ALDH5A1: variants seen among roughly 807,000 people sequenced by gnomAD.
ALDH5A1 encodes aldehyde dehydrogenase 5 family member A1.
A neutral mutation model predicts 54.7 loss-of-function variants in ALDH5A1; 33 were observed. That is an observed-to-expected ratio of 0.60 (90% CI 0.46 to 0.81). The LOEUF (loss-of-function observed/expected upper bound fraction) is 0.81, where lower values mean the gene tolerates loss of function less well. Among genes scored for constraint, ALDH5A1 ranks in the 30% least tolerant of loss-of-function variants. The pLI is 0.00. For synonymous variants in ALDH5A1, 294 were observed against 292.7 expected (o/e 1.00, Z -0.05); for missense variants, 657 against 711.0 (o/e 0.92, Z 0.86).
intron 4 of ALDH5A1, among the ~76,000 whole-genome samples, chr6:24,510,436 T>C (rs1759439205): frequency 6.6e-6 from 1 of 152,200 alleles, no homozygotes; most frequent in South Asian, 2.1e-4. Flanking sequence ...TTGCTGTCTA[T>C]CTCATTTCTT....
At chr6:24,496,321 T>TA (rs1229536482) in intron 1 of ALDH5A1, among the ~76,000 whole-genome samples, 8 of 152,160 alleles carry the variant, frequency 5.3e-5, no homozygotes, top group Admixed American at 5.2e-4. Flanking sequence ...ACAAACATAA[T>TA]ATCTAAGCAA....
At chr6:24,515,389 C>T (rs1561874030) in intron 5 of ALDH5A1, 79 bp downstream of exon 5, 1 of 1,514,676 alleles carries the variant, frequency 6.6e-7, no homozygotes, top group Non-Finnish European at 9.1e-7. Context: ...ACTATTTCAT[C>T]CTGATCACCA....
intron 6 of ALDH5A1, among the ~76,000 whole-genome samples, chr6:24,522,236 G>A (rs1184793754): frequency 6.6e-6 from 1 of 152,158 alleles, no homozygotes; most frequent in Non-Finnish European, 1.5e-5. Context: ...CTTGAGCCCT[G>A]GAGGTCAAGG....
intron 6 of ALDH5A1, among the ~76,000 whole-genome samples, chr6:24,520,965 C>T (rs1046919647): frequency 2.0e-5 from 3 of 152,110 alleles, no homozygotes; most frequent in Admixed American, 1.3e-4. Context: ...TTCTACTGAA[C>T]GGATATAATC....
At position 24,504,852 on chromosome 6, in the gene ALDH5A1, T is replaced by C. The variant is rs778275814; in HGVS notation, c.610-17T>C. ...GGTCCTTCCTCTCACATACTTCCTC[T>C]GCTCTTCTAACCCCAGTGGAATTTC... On this transcript the variant is annotated splice_polypyrimidine_tract_variant and intron_variant, in intron 3 of 9. Transcript: ENST00000357578. 1 of 1,610,448 alleles carries C rather than the reference T, an allele frequency of 6.2e-7. No individual in the cohort carries two copies. Among genetic ancestry groups the C allele is most frequent in the South Asian group, 1.1e-5 (1 of 91,002 alleles).
At chr6:24,506,743 TTTTA>T (rs1292190318) in intron 4 of ALDH5A1, among the ~76,000 whole-genome samples, 2 of 152,250 alleles carry the variant, frequency 1.3e-5, no homozygotes, top group Non-Finnish European at 2.9e-5. Flanking sequence ...AGTAATAAAC[TTTTA>T]TTTTAGAATA....
In ALDH5A1 at chr6:24,496,126, G is replaced by T. The variant is rs959280452; in HGVS notation, c.354+776G>T. ...CTCCCTCTGAAGGAATGCATCCAGC[G>T]ATCCCTACGAGTACAAGAGAGTCTT... On this transcript the variant is annotated intron_variant, in intron 1 of 9. Coordinates refer to ENST00000357578, the MANE Select transcript of ALDH5A1 (RefSeq NM_001080.3). Among the ~76,000 whole-genome samples the T allele has an allele frequency of 2.0e-5, 3 of 152,124 alleles. No individual in the cohort carries two copies. In the South Asian group the frequency reaches 6.2e-4, roughly 32 times the overall value.
intron 1 of ALDH5A1, among the ~76,000 whole-genome samples, chr6:24,495,568 T>A (rs981198733): frequency 2.0e-5 from 3 of 152,150 alleles, no homozygotes; most frequent in Admixed American, 6.5e-5. Flanking sequence ...ACCCCTGCCC[T>A]CAAGCCTCAT....
At chr6:24,527,202 A>G (rs1252832269) in intron 7 of ALDH5A1, among the ~76,000 whole-genome samples, 6 of 151,750 alleles carry the variant, frequency 4.0e-5, no homozygotes, top group East Asian at 1.9e-4. Flanking sequence ...CAAATTATCA[A>G]TCAGGTGGAG....
intron 5 of ALDH5A1, among the ~76,000 whole-genome samples, chr6:24,516,789 G>T (rs1759583817): frequency 6.6e-6 from 1 of 152,084 alleles, no homozygotes; most frequent in Admixed American, 6.5e-5. Context: ...TGGGCTTAGT[G>T]GCACACACAT....
intron 8 of ALDH5A1, among the ~76,000 whole-genome samples, chr6:24,529,053 G>A (rs1759875879): frequency 6.6e-6 from 1 of 152,104 alleles, no homozygotes. Flanking sequence ...TGAACTTTCT[G>A]TGTCGTTTTG....
At chr6:24,513,253 T>C (rs1581813857) in intron 4 of ALDH5A1, among the ~76,000 whole-genome samples, 2 of 151,926 alleles carry the variant, frequency 1.3e-5, no homozygotes, top group East Asian at 3.9e-4. Context: ...TTCGTAGAGA[T>C]AGGGTCTCAC....
rs754410581 is a variant in ALDH5A1 at position 24,494,980 on chromosome 6, C to G, written c.-17C>G. On this transcript the variant is annotated 5_prime_UTR_variant, in exon 1 of 10. Transcript: ENST00000357578. ...GCGCCCGCTTGCCTGTTTCCTGTCG[C>G]CGTCGTTGCCCGGGCCATGGCGACC... is the stretch of plus-strand genomic sequence containing the variant. 3.8e-6 allele frequency: 5 copies of G among 1,311,374 alleles called. No individual in the cohort carries two copies. Among genetic ancestry groups the G allele is most frequent in the African/African-American group, 3.0e-5 (2 of 66,194 alleles). 81.2% of individuals were successfully genotyped at this position (1,311,374 alleles called of 1,614,324 possible).
At position 24,533,767 on chromosome 6, in the gene ALDH5A1, A is replaced by G. The variant is rs1303881837; in HGVS notation, c.*55A>G. ...AGGAGACTTATCTACATATATAGGTACATGCCATCCATTATTTTAAATAAA... is the reference window on the plus strand; with the variant it reads ...AGGAGACTTATCTACATATATAGGTGCATGCCATCCATTATTTTAAATAAA... On this transcript the variant is annotated 3_prime_UTR_variant, in exon 10 of 10. Coordinates refer to ENST00000357578, the MANE Select transcript of ALDH5A1 (RefSeq NM_001080.3). 6.8e-7 allele frequency: 1 copy of G among 1,478,196 alleles called. No individual in the cohort carries two copies. Among genetic ancestry groups the G allele is most frequent in the African/African-American group, 1.4e-5 (1 of 71,242 alleles). 91.6% of individuals were successfully genotyped at this position (1,478,196 alleles called of 1,614,324 possible). A position where few individuals can be genotyped will look rare whatever the true frequency, so the allele number is the denominator to read the frequency against.
rs1035436977 is a variant in ALDH5A1 at position 24,502,667 on chromosome 6, T to G, written c.438+61T>G. On this transcript the variant is annotated intron_variant, in intron 2 of 9. Coordinates refer to ENST00000357578, the MANE Select transcript of ALDH5A1 (RefSeq NM_001080.3). The stretch of plus-strand genomic sequence containing the variant: ...TTCTCCAGGAATTTTTACACTAAAC[T>G]TGGGAAAGCCGCTGACTTCCCTTCA... The G allele has an allele frequency of 4.5e-6, 6 of 1,346,800 alleles. No individual in the cohort carries two copies. In the African/African-American group the frequency reaches 8.7e-5, roughly 19 times the overall value. 83.4% of individuals were successfully genotyped at this position (1,346,800 alleles called of 1,614,324 possible).
chr6:24,523,064 T>A, intron 7 of ALDH5A1, 139 bp downstream of exon 7: 1 of 765,110 alleles, frequency 1.3e-6, no homozygotes, highest in Non-Finnish European at 2.1e-6. Flanking sequence ...ACAGAAGGAA[T>A]AAGCTCTGGT....
At chr6:24,524,392 G>A (rs2127388400) in intron 7 of ALDH5A1, among the ~76,000 whole-genome samples, 1 of 152,250 alleles carries the variant, frequency 6.6e-6, no homozygotes, top group South Asian at 2.1e-4. Context: ...CACAGTGGAG[G>A]CACAGCCAGC....
chr6:24,528,128 T>C lies in ALDH5A1; in HGVS notation c.1305T>C (p.Thr435=), dbSNP rs942977340. The change falls in exon 8 of 10, where the codon ACT becomes ACC. Residue 435 remains threonine (T), a synonymous_variant. Coordinates refer to ENST00000357578, the MANE Select transcript of ALDH5A1 (RefSeq NM_001080.3). ...ATGTCACCCAGGACATGCTGTGCAC[T>C]CATGAAGAGACTTTCGGGCCTCTGG... ...LCNVTQDMLC[T]HEETFGPLAP... The C allele has an allele frequency of 6.2e-7, 1 of 1,613,962 alleles. No homozygotes were observed. Among genetic ancestry groups the C allele is most frequent in the Non-Finnish European group, 8.5e-7 (1 of 1,179,914 alleles).
chr6:24,506,167 G>A (rs973255064), intron 4 of ALDH5A1, among the ~76,000 whole-genome samples: 7 of 147,068 alleles, frequency 4.8e-5, no homozygotes, highest in South Asian at 4.5e-4. Flanking sequence ...TAGAAACTTC[G>A]AATTCAAATT....
Sources: gnomAD v4.1 joint callset for allele counts (sites outside exome capture counted in the v4.1 genomes callset) on GRCh38, gnomAD v4.1.1 for gene constraint, MANE v1.5 for transcripts, NCBI Gene and HGNC (gene_info 2026-07-23, HGNC 2026-07-21) for gene names.